The following GOLGA8A variants were observed in gnomAD, a reference collection of about 807,000 sequenced individuals.
GOLGA8A encodes the protein golgin A8 family member A, also known as golgin subfamily A member 8A.
In GOLGA8A, 3 loss-of-function variants were observed where a neutral mutation model predicts 22.1. That is an observed-to-expected ratio of 0.14 (90% CI 0.06 to 0.35). The LOEUF (loss-of-function observed/expected upper bound fraction) is 0.35. Ranked by LOEUF, GOLGA8A falls within the 10% of genes least tolerant of loss-of-function variation. GOLGA8A has a pLI of 1.00. For missense variants in GOLGA8A, 16 were observed against 233.2 expected (o/e 0.07, Z 6.07); for synonymous variants, 7 against 91.7 (o/e 0.08, Z 5.28).
At chr15:34,437,050 C>G (rs1893556674) in intron 1 of GOLGA8A, among the ~76,000 whole-genome samples, 1 of 148,638 alleles carries the variant, frequency 6.7e-6, no homozygotes, top group Non-Finnish European at 1.5e-5. Context: ...CGGCGAGACG[C>G]GAGCGGGCGG....
chr15:34,437,425 CCGCCGCCGTCCT>C lies in GOLGA8A; in HGVS notation c.-1251_-1240del. On this transcript the variant is annotated 5_prime_UTR_variant, in exon 1 of 25. Coordinates refer to ENST00000359187, the MANE Select transcript of GOLGA8A (RefSeq NM_181077.5). ...GGCCAGGGCGCGGGGCTGCCCCGGT[CCGCCGCCGTCCT>C]CGCCGCGCCGCCGTCCTCGCCGCGC... is the stretch of plus-strand genomic sequence containing the variant. 1 of 140,248 alleles carries C rather than the reference CCGCCGCCGTCCT, an allele frequency of 7.1e-6. No individual in the cohort carries two copies. Among genetic ancestry groups the C allele is most frequent in the Non-Finnish European group, 1.6e-5 (1 of 63,366 alleles). The allele number at this position is 140,248 out of a possible 1,614,324, so 8.7% of individuals were successfully genotyped here. A position where few individuals can be genotyped will look rare whatever the true frequency, so the allele number is the denominator to read the frequency against.
In GOLGA8A at chr15:34,426,301, C is replaced by A. The variant is rs956438576; in HGVS notation, c.-1123+9082G>T. On this transcript the variant is annotated intron_variant, in intron 2 of 24. Transcript: ENST00000359187. ...ATCTCTAAGACACACAGCTGGTGAG[C>A]GGATCGAACTGCAAATCTTATTTAC... Among the ~76,000 whole-genome samples the A allele has an allele frequency of 8.7e-5, 13 of 149,704 alleles. 1 individual carries two copies. The highest frequency in any genetic ancestry group is 2.7e-4 in the Admixed American group (4 of 14,866).
chr15:34,424,823 G>C (rs376567456), intron 2 of GOLGA8A, among the ~76,000 whole-genome samples: 4,697 of 126,706 alleles, frequency 0.037, 40 homozygotes, highest in East Asian at 0.087. Context: ...CTAGCGGCCG[G>C]GTAGGGTGGC....
At chr15:34,431,987 T>C (rs1183767270) in intron 2 of GOLGA8A, among the ~76,000 whole-genome samples, 2 of 148,932 alleles carry the variant, frequency 1.3e-5, no homozygotes, top group Admixed American at 6.8e-5. Flanking sequence ...ATGTCAATAG[T>C]GTTCTCCGAC....
At chr15:34,411,209 A>G (rs1189771242) in intron 2 of GOLGA8A, among the ~76,000 whole-genome samples, 3 of 53,034 alleles carry the variant, frequency 5.7e-5, no homozygotes, top group East Asian at 1.1e-3. Flanking sequence ...GGATGTCAGC[A>G]TAACTGTATT....
chr15:34,409,216 TG>T (rs1892312503), intron 2 of GOLGA8A, among the ~76,000 whole-genome samples: 1 of 71,758 alleles, frequency 1.4e-5, no homozygotes, highest in Non-Finnish European at 3.1e-5. Context: ...GACCTGTAAC[TG>T]GGATCTACAC....
In GOLGA8A at chr15:34,433,753, G is replaced by A. The variant is rs1162323304; in HGVS notation, c.-1123+1630C>T. On this transcript the variant is annotated intron_variant, in intron 2 of 24. Coordinates refer to ENST00000359187, the MANE Select transcript of GOLGA8A (RefSeq NM_181077.5). ...TGCCAGGCACTTTTCTAGCTACTGGGGATCCAGAGGTGAACAAAGTCTTTT... is the reference window on the plus strand; with the variant it reads ...TGCCAGGCACTTTTCTAGCTACTGGAGATCCAGAGGTGAACAAAGTCTTTT... Among the ~76,000 whole-genome samples, 3 of 149,598 alleles carry A rather than the reference G, an allele frequency of 2.0e-5. 1 individual carries two copies. The East Asian group carries it at 5.9e-4, about 29-fold the overall frequency.
chr15:34,412,986 TCA>T lies in GOLGA8A; in HGVS notation c.-1122-5253_-1122-5252del, dbSNP rs1485415057. On this transcript the variant is annotated intron_variant, in intron 2 of 24. Transcript: ENST00000359187. The stretch of plus-strand genomic sequence containing the variant: ...CTTCTCTGAGGCACCCACAGTAGAG[TCA>T]CAGAGACAGGAAGTAGAATGCGGGT... Among the ~76,000 whole-genome samples, 9 of 54,788 alleles carry T rather than the reference TCA, an allele frequency of 1.6e-4. 4 individuals are homozygous for T. Among genetic ancestry groups the T allele is most frequent in the African/African-American group, 4.0e-4 (9 of 22,440 alleles). 35.9% of individuals were successfully genotyped at this position (54,788 alleles called of 152,430 possible).
At chr15:34,425,874 A>G (rs1892962264) in intron 2 of GOLGA8A, among the ~76,000 whole-genome samples, 1 of 145,226 alleles carries the variant, frequency 6.9e-6, no homozygotes, top group African/African-American at 2.5e-5. Flanking sequence ...AAATGAAATA[A>G]GCTATCACTT....
intron 2 of GOLGA8A, among the ~76,000 whole-genome samples, chr15:34,426,226 A>G (rs1456564474): frequency 6.7e-6 from 1 of 149,804 alleles, no homozygotes; most frequent in Non-Finnish European, 1.5e-5. Context: ...AAACAGTCAC[A>G]TATTATGCAA....
intron 1 of GOLGA8A, among the ~76,000 whole-genome samples, chr15:34,437,074 C>T (rs1893558182): frequency 6.7e-6 from 1 of 148,546 alleles, no homozygotes. Flanking sequence ...CGCCAGACAG[C>T]GCCACTTGCC....
chr15:34,434,124 C>T lies in GOLGA8A; in HGVS notation c.-1123+1259G>A, dbSNP rs534899189. Among the ~76,000 whole-genome samples the T allele has an allele frequency of 5.9e-4, 89 of 149,608 alleles. 10 individuals are homozygous for T. The Middle Eastern group carries it at 0.02, about 34-fold the overall frequency. Reference sequence around the variant, plus strand: ...CAGGTGGGGATGGGGTGGGGACAACCCAGGGCAGATCTGGGCAATGAGCCT... The same window carrying T: ...CAGGTGGGGATGGGGTGGGGACAACTCAGGGCAGATCTGGGCAATGAGCCT... On this transcript the variant is annotated intron_variant, in intron 2 of 24. Transcript: ENST00000359187.
intron 2 of GOLGA8A, among the ~76,000 whole-genome samples, chr15:34,425,150 G>A (rs1892931332): frequency 6.9e-6 from 1 of 144,502 alleles, no homozygotes; most frequent in Admixed American, 7.2e-5. Context: ...AAAGGTTGGC[G>A]GAGAATGAAA....
chr15:34,433,906 G>C (rs113798775), intron 2 of GOLGA8A, among the ~76,000 whole-genome samples: 14,808 of 149,396 alleles, frequency 0.099, 1,956 homozygotes, highest in Non-Finnish European at 0.15. Context: ...ATTTATGTAG[G>C]GCTGTCAGGG....
chr15:34,406,690 TGAA>T lies in GOLGA8A; in HGVS notation c.-733_-731del, dbSNP rs2140245506. On this transcript the variant is annotated 5_prime_UTR_variant, in exon 4 of 25. Transcript: ENST00000359187. ...ATTTCCCACCTGTGGAGGGGGCTGG[TGAA>T]GGAGTTTTCAGTCCCGGGCACCCTG... The T allele has an allele frequency of 7.7e-6, 1 of 129,288 alleles. No homozygotes were observed. Among genetic ancestry groups the T allele is most frequent in the Non-Finnish European group, 1.7e-5 (1 of 59,130 alleles). The allele number at this position is 129,288 out of a possible 1,614,324, so 8.0% of individuals were successfully genotyped here. A position where few individuals can be genotyped will look rare whatever the true frequency, so the allele number is the denominator to read the frequency against.
At chr15:34,411,459 T>C (rs1892429273) in intron 2 of GOLGA8A, among the ~76,000 whole-genome samples, 1 of 109,484 alleles carries the variant, frequency 9.1e-6, no homozygotes, top group South Asian at 3.7e-4. Context: ...TGTGTGTGTC[T>C]GTGTACTGAG....
chr15:34,386,139 T>C (rs569280938), intron 12 of GOLGA8A, among the ~76,000 whole-genome samples: 82 of 148,122 alleles, frequency 5.5e-4, no homozygotes, highest in Non-Finnish European at 1.1e-3. Context: ...TCACAGCCGA[T>C]ATAGGATGGA....
Position 34,420,882 on chromosome 15 carries a change from A to G in GOLGA8A, c.-1122-13147T>C, listed in dbSNP as rs1039246573. Reference sequence around the variant, plus strand: ...CAAGCTCTACCCTTTCCAAGCATTGATGATCCTGAGGTTGATCAATACTGA... The same window carrying G: ...CAAGCTCTACCCTTTCCAAGCATTGGTGATCCTGAGGTTGATCAATACTGA... On this transcript the variant is annotated intron_variant, in intron 2 of 24. Transcript: ENST00000359187. 1.4e-4 allele frequency among the ~76,000 whole-genome samples: 18 copies of G among 129,012 alleles called. 2 individuals carry two copies. Among genetic ancestry groups the G allele is most frequent in the African/African-American group, 5.3e-4 (18 of 33,818 alleles). The allele number at this position is 129,012 out of a possible 152,430, so 84.6% of individuals were successfully genotyped here.
Position 34,379,358 on chromosome 15 carries a change from A to G in GOLGA8A, c.*2053T>C, listed in dbSNP as rs1250844156. The stretch of plus-strand genomic sequence containing the variant: ...ATAGCAGTTACATTTTTTAATATTT[A>G]TATTATTTTAAAATGACTCTTTAAG... On this transcript the variant is annotated 3_prime_UTR_variant, in exon 25 of 25. Coordinates refer to ENST00000359187, the MANE Select transcript of GOLGA8A (RefSeq NM_181077.5). 2 of 152,500 alleles carry G rather than the reference A, an allele frequency of 1.3e-5. No individual in the cohort carries two copies. The highest frequency in any genetic ancestry group is 2.9e-5 in the Non-Finnish European group (2 of 68,030). The allele number at this position is 152,500 out of a possible 1,614,324, so 9.4% of individuals were successfully genotyped here.
Sources: gnomAD v4.1 joint callset for allele counts (sites outside exome capture counted in the v4.1 genomes callset) on GRCh38, gnomAD v4.1.1 for gene constraint, MANE v1.5 for transcripts, NCBI Gene and HGNC (gene_info 2026-07-23, HGNC 2026-07-21) for gene names.